RFC1: variants seen among roughly 807,000 people sequenced by gnomAD.
RFC1 encodes the protein A1 140 kDa subunit.
Under a neutral mutation model 137.4 loss-of-function variants are expected in RFC1, and 37 were observed. The observed-to-expected ratio is 0.27, with a 90% CI of 0.21 to 0.35. RFC1 has a LOEUF of 0.35. Among genes scored for constraint, RFC1 ranks in the 10% least tolerant of loss-of-function variants. The probability of loss-of-function intolerance (pLI) is 1.00; values close to 1 mark genes in which losing one functional copy is unlikely to be tolerated. For synonymous variants in RFC1, 429 were observed against 455.7 expected, an observed-to-expected ratio of 0.94 and a Z score of 0.75; for missense variants, 1,205 against 1,358.5, an observed-to-expected ratio of 0.89 and a Z score of 1.78.
At chr4:39,303,285 GA>G in intron 15 of RFC1, 134 bp from the exon 16 acceptor site, 1 of 547,070 alleles carries the variant, frequency 1.8e-6, no homozygotes, top group Admixed American at 3.2e-5. Flanking sequence ...CTGGACTACA[GA>G]GTGTTGTTAA....
intron 4 of RFC1, among the ~76,000 whole-genome samples, chr4:39,328,792 A>G (rs896024396): frequency 3.9e-5 from 6 of 152,120 alleles, no homozygotes; most frequent in African/African-American, 1.4e-4. Context: ...CATTTGGAAA[A>G]CACACTGCAG....
At chr4:39,313,872 T>C (rs1256140413) in intron 10 of RFC1, among the ~76,000 whole-genome samples, 1 of 152,154 alleles carries the variant, frequency 6.6e-6, no homozygotes, top group Non-Finnish European at 1.5e-5. Flanking sequence ...ATAACTCTCA[T>C]AATGTATAAT....
intron 2 of RFC1, among the ~76,000 whole-genome samples, chr4:39,350,899 T>C (rs997480475): frequency 6.6e-6 from 1 of 152,186 alleles, no homozygotes; most frequent in Admixed American, 6.5e-5. Context: ...TAAAATTACA[T>C]TGAATTGTGC....
intron 21 of RFC1, chr4:39,295,961 C>A (rs980084282): frequency 7.0e-6 from 3 of 426,088 alleles, no homozygotes; most frequent in Non-Finnish European, 1.2e-5. Flanking sequence ...TTGCGGTACA[C>A]ACCTTGATCC....
rs1738553339 is a variant in RFC1 at position 39,304,798 on chromosome 4, T to A, written c.2110+16A>T. ...TTTCTTATATAACAACAACAGGAGGTCAAAAAGCCACATACTTGAATAAAA... is the reference window on the plus strand; with the variant it reads ...TTTCTTATATAACAACAACAGGAGGACAAAAAGCCACATACTTGAATAAAA... On this transcript the variant is annotated intron_variant, in intron 15 of 24. Coordinates refer to ENST00000349703, the MANE Select transcript of RFC1 (RefSeq NM_002913.5). The A allele has an allele frequency of 6.9e-7, 1 of 1,452,248 alleles. No individual in the cohort carries two copies. The highest frequency in any genetic ancestry group is 1.4e-5 in the African/African-American group (1 of 71,252). 90.0% of individuals were successfully genotyped at this position (1,452,248 alleles called of 1,614,324 possible).
At chr4:39,356,413 T>A (rs2109771072) in intron 1 of RFC1, among the ~76,000 whole-genome samples, 1 of 152,170 alleles carries the variant, frequency 6.6e-6, no homozygotes, top group Admixed American at 6.5e-5. Flanking sequence ...AACAAAAAAA[T>A]TCATTGAACA....
intron 1 of RFC1, among the ~76,000 whole-genome samples, chr4:39,359,873 G>A (rs563853217): frequency 1.1e-4 from 16 of 151,040 alleles, no homozygotes; most frequent in Non-Finnish European, 1.3e-4. Flanking sequence ...TCAGGGAAAC[G>A]GTGGGAAGGA....
At chr4:39,337,513 T>C (rs1164878740) in intron 4 of RFC1, among the ~76,000 whole-genome samples, 1 of 151,926 alleles carries the variant, frequency 6.6e-6, no homozygotes, top group Non-Finnish European at 1.5e-5. Flanking sequence ...AATTTAAATC[T>C]CTCATCTTCA....
rs201358782 is a variant in RFC1 at position 39,321,355 on chromosome 4, G to A, written c.740C>T (p.Ala247Val). 348 of 1,613,226 alleles carry A rather than the reference G, an allele frequency of 2.2e-4. No homozygotes were observed. The highest frequency in any genetic ancestry group is 2.8e-4 in the Non-Finnish European group (328 of 1,179,652). Residue 247 changes from alanine to valine, a missense_variant, in exon 8 of 25, where the codon GCG (alanine) becomes GTG (valine). By Grantham distance (64) the Ala-to-Val change is moderately conservative. Coordinates refer to ENST00000349703, the MANE Select transcript of RFC1 (RefSeq NM_002913.5). The part of the protein sequence containing the change: ...KTKKARKDTE[A>V]GETFSSVQAN... ...TTGGACAGATGAAAACGTTTCTCCCGCTTCTGTGTCCTTTCGAGCCTAAAC... is the reference window on the plus strand; with the variant it reads ...TTGGACAGATGAAAACGTTTCTCCCACTTCTGTGTCCTTTCGAGCCTAAAC...
chr4:39,290,156 G>A, intron 23 of RFC1, 117 bp from the exon 24 acceptor site: 1 of 639,028 alleles, frequency 1.6e-6, no homozygotes, highest in East Asian at 2.6e-5. Flanking sequence ...AAGTATTTAT[G>A]TATATACATG....
At chr4:39,332,665 C>T (rs1160434866) in intron 4 of RFC1, among the ~76,000 whole-genome samples, 4 of 152,222 alleles carry the variant, frequency 2.6e-5, no homozygotes, top group Non-Finnish European at 5.9e-5. Flanking sequence ...ATTCCACCTA[C>T]TTTCCTTAAT....
At chr4:39,306,419 CAT>C (rs1012099042) in intron 14 of RFC1, among the ~76,000 whole-genome samples, 171 bp downstream of exon 14, 2 of 152,168 alleles carry the variant, frequency 1.3e-5, no homozygotes, top group African/African-American at 4.8e-5. Context: ...AAATTACAAA[CAT>C]CGCCAGAACC....
At chr4:39,344,463 A>G (rs1280810610) in intron 3 of RFC1, among the ~76,000 whole-genome samples, 3 of 152,236 alleles carry the variant, frequency 2.0e-5, no homozygotes, top group African/African-American at 7.2e-5. Flanking sequence ...AGAAATTAAT[A>G]CAAGTATTTT....
chr4:39,343,554 T>C (rs1740704437), intron 3 of RFC1, among the ~76,000 whole-genome samples: 1 of 152,200 alleles, frequency 6.6e-6, no homozygotes, highest in African/African-American at 2.4e-5. Flanking sequence ...AGATGTTTCA[T>C]AAACTTTAGT....
intron 4 of RFC1, among the ~76,000 whole-genome samples, chr4:39,336,568 C>T (rs923266670): frequency 6.6e-6 from 1 of 152,252 alleles, no homozygotes; most frequent in Non-Finnish European, 1.5e-5. Context: ...GGGTTTCTAA[C>T]CTCCACGTTA....
chr4:39,303,332 A>C, intron 15 of RFC1, 181 bp from the exon 16 acceptor site: 1 of 580,572 alleles, frequency 1.7e-6, no homozygotes, highest in Non-Finnish European at 3.0e-6. Flanking sequence ...AGAGAAGAGA[A>C]ACTCTCCCTG....
chr4:39,350,176 A>G (rs1425176820), intron 2 of RFC1, among the ~76,000 whole-genome samples: 2 of 30,744 alleles, frequency 6.5e-5, no homozygotes, highest in East Asian at 1.1e-3. Context: ...AGAATCAATG[A>G]ACTTAAAGAC....
intron 13 of RFC1, among the ~76,000 whole-genome samples, chr4:39,306,988 C>A (rs1054254563): frequency 2.6e-5 from 4 of 152,084 alleles, no homozygotes; most frequent in Admixed American, 2.0e-4. Flanking sequence ...ACGCACAGGC[C>A]ATGGAGCACG....
chr4:39,353,958 G>A (rs1741337807), intron 1 of RFC1, among the ~76,000 whole-genome samples: 1 of 152,166 alleles, frequency 6.6e-6, no homozygotes, highest in African/African-American at 2.4e-5. Context: ...AGGAAACAGA[G>A]CCACTGTTAA....
Sources: gnomAD v4.1 joint callset for allele counts (sites outside exome capture counted in the v4.1 genomes callset) on GRCh38, gnomAD v4.1.1 for gene constraint, MANE v1.5 for transcripts, NCBI Gene and HGNC (gene_info 2026-07-23, HGNC 2026-07-21) for gene names.